Variants in FAM120C observed in about 807,000 individuals in gnomAD.
FAM120C encodes the protein family with sequence similarity 120 member C, also known as constitutive coactivator of PPAR-gamma-like protein 2.
Under a neutral mutation model 71.2 loss-of-function variants are expected in FAM120C, and 14 were observed. That is an observed-to-expected ratio of 0.20 (90% CI 0.13 to 0.31). The LOEUF (loss-of-function observed/expected upper bound fraction) is 0.31. Among genes scored for constraint, FAM120C ranks in the 10% least tolerant of loss-of-function variants. FAM120C has a pLI of 1.00. For synonymous variants in FAM120C, 354 were observed against 353.2 expected, an observed-to-expected ratio of 1.00 and a Z score of -0.03; for missense variants, 500 against 879.0, an observed-to-expected ratio of 0.57 and a Z score of 5.45.
intron 9 of FAM120C, among the ~76,000 whole-genome samples, chrX:54,117,530 A>C (rs1249989564): frequency 9.7e-6 from 1 of 103,489 alleles, no homozygotes; most frequent in Non-Finnish European, 2.0e-5. Flanking sequence ...CCCTGTTTCT[A>C]CCAAAAAAAA....
At chrX:54,077,403 G>C (rs1333575364) in intron 15 of FAM120C, among the ~76,000 whole-genome samples, 5 of 111,530 alleles carry the variant, frequency 4.5e-5, no homozygotes, top group Non-Finnish European at 3.8e-5. Context: ...GTTTAAAATG[G>C]GGAACAGGCC....
intron 1 of FAM120C, among the ~76,000 whole-genome samples, chrX:54,165,798 A>C (rs959577784): frequency 1.8e-4 from 20 of 109,314 alleles, no homozygotes; most frequent in African/African-American, 1.7e-4. Context: ...TAATAATAAA[A>C]ATAAAAAAAT....
intron 10 of FAM120C, among the ~76,000 whole-genome samples, chrX:54,096,230 G>A (rs1298385558): frequency 6.5e-5 from 7 of 108,040 alleles, no homozygotes; most frequent in Non-Finnish European, 1.3e-4. Context: ...GACCAACATG[G>A]TGAAACCCCA....
chrX:54,135,656 T>C (rs1603359617), intron 5 of FAM120C, 52 bp from the exon 6 acceptor site: 2 of 1,001,312 alleles, frequency 2.0e-6, no homozygotes, highest in African/African-American at 1.9e-5. Flanking sequence ...AATTTTACCA[T>C]GTTATATTCT....
intron 10 of FAM120C, among the ~76,000 whole-genome samples, chrX:54,100,586 A>T (rs1387722929): frequency 8.9e-6 from 1 of 111,767 alleles, no homozygotes; most frequent in African/African-American, 3.2e-5. Flanking sequence ...AGGTGGGAGG[A>T]CTGCTTGAGC....
At position 54,073,007 on chromosome X, in the gene FAM120C, G is replaced by A; in HGVS notation, c.*26C>T. The A allele has an allele frequency of 8.5e-7, 1 of 1,180,472 alleles. No individual in the cohort carries two copies. Among genetic ancestry groups the A allele is most frequent in the Non-Finnish European group, 1.1e-6 (1 of 878,478 alleles). The stretch of plus-strand genomic sequence containing the variant: ...AAAGTAAAAGTTTTTCCCTCTTCCT[G>A]GTTTGGTGAAGCCATCTTCAGCTTA... On this transcript the variant is annotated 3_prime_UTR_variant, in exon 16 of 16. Transcript: ENST00000375180.
At chrX:54,146,954 T>C (rs1290474753) in intron 4 of FAM120C, among the ~76,000 whole-genome samples, 1 of 112,150 alleles carries the variant, frequency 8.9e-6, no homozygotes, top group Non-Finnish European at 1.9e-5. Flanking sequence ...CCTCTCATAC[T>C]TTATACAGAA....
intron 10 of FAM120C, among the ~76,000 whole-genome samples, chrX:54,113,316 CGG>C (rs1252245430): frequency 1.8e-5 from 2 of 108,162 alleles, no homozygotes; most frequent in Non-Finnish European, 3.8e-5. Flanking sequence ...AAAAATTAGC[CGG>C]GCGTGGTGGC....
chrX:54,110,888 C>G (rs2066933569), intron 10 of FAM120C, among the ~76,000 whole-genome samples: 1 of 108,678 alleles, frequency 9.2e-6, no homozygotes, highest in South Asian at 4.1e-4. Context: ...GGAGAAACCC[C>G]GTCTCTACTA....
intron 10 of FAM120C, among the ~76,000 whole-genome samples, chrX:54,115,563 T>C (rs1411545052): frequency 8.9e-6 from 1 of 111,979 alleles, no homozygotes; most frequent in Non-Finnish European, 1.9e-5. Context: ...ATGCGTATTT[T>C]ACAGGATCGA....
At position 54,116,748 on chromosome X, in the gene FAM120C, T is replaced by C. The variant is rs1199613819; in HGVS notation, c.2109A>G (p.Ser703=). The C allele has an allele frequency of 3.3e-6, 4 of 1,209,512 alleles. No homozygotes were observed. The African/African-American group carries it at 7.0e-5, about 21-fold the overall frequency. The change falls in exon 10 of 16, where the codon TCA becomes TCG. Residue 703 remains serine (S), a synonymous_variant. Transcript: ENST00000375180. ...CAGACACCAGCTCAGGGGTTTGAGG[T>C]GACTTCCCTTTATAGGCAGACCACT... is the stretch of plus-strand genomic sequence containing the variant. ...LKEWSAYKGK[S]PQTPELVSAL...
At chrX:54,106,500 G>A (rs1231766722) in intron 10 of FAM120C, among the ~76,000 whole-genome samples, 1 of 111,786 alleles carries the variant, frequency 8.9e-6, no homozygotes, top group Non-Finnish European at 1.9e-5. Flanking sequence ...ACAGGCATGG[G>A]CAAGACTTCA....
Position 54,182,548 on chromosome X carries a change from G to A in FAM120C, c.651C>T (p.Ala217=). The change falls in exon 1 of 16, where the codon GCC becomes GCT. Residue 217 remains alanine, a synonymous_variant. Coordinates refer to ENST00000375180, the MANE Select transcript of FAM120C (RefSeq NM_017848.6). Reference sequence around the variant, plus strand: ...CTAGCCTCACGCAGTGGCTCAGGCAGGCCGGTGGCAGGAACCAGGCCCGCG... The same window carrying A: ...CTAGCCTCACGCAGTGGCTCAGGCAAGCCGGTGGCAGGAACCAGGCCCGCG... The part of the protein sequence containing the change: ...PPPRAWFLPP[A]CLSHCVRLAL... The A allele has an allele frequency of 4.1e-6, 5 of 1,210,939 alleles. No individual in the cohort carries two copies. The highest frequency in any genetic ancestry group is 5.6e-6 in the Non-Finnish European group (5 of 895,494).
At position 54,129,697 on chromosome X, in the gene FAM120C, A is replaced by G. The variant is rs1196646641; in HGVS notation, c.2062+2995T>C. Among the ~76,000 whole-genome samples, 560 of 111,953 alleles carry G rather than the reference A, an allele frequency of 5.0e-3. 4 individuals carry two copies. The highest frequency in any genetic ancestry group is 0.014 in the African/African-American group (437 of 30,896). Reference sequence around the variant, plus strand: ...TGGGAGGTGGAGGTTGTAGCGAGCCAAGATCACGCCACTGCACTCCAGCCT... The same window carrying G: ...TGGGAGGTGGAGGTTGTAGCGAGCCGAGATCACGCCACTGCACTCCAGCCT... On this transcript the variant is annotated intron_variant, in intron 9 of 15. Transcript: ENST00000375180.
At chrX:54,147,239 G>A (rs2088485491) in intron 4 of FAM120C, 1 of 110,794 alleles carries the variant, frequency 9.0e-6, no homozygotes, top group Non-Finnish European at 1.9e-5. Flanking sequence ...ATCGCTTGAA[G>A]CAAGGACGTG....
chrX:54,112,764 C>G (rs782372325), intron 10 of FAM120C, among the ~76,000 whole-genome samples: 1 of 108,339 alleles, frequency 9.2e-6, no homozygotes, highest in South Asian at 4.1e-4. Context: ...TGGTGTGAAC[C>G]TGGGAGGCGG....
At chrX:54,152,970 C>A (rs966034645) in intron 3 of FAM120C, among the ~76,000 whole-genome samples, 1 of 111,621 alleles carries the variant, frequency 9.0e-6, no homozygotes, top group African/African-American at 3.3e-5. Flanking sequence ...CGGAGGCTGG[C>A]GGATCACCTG....
chrX:54,125,283 T>C (rs2067020836), intron 9 of FAM120C, among the ~76,000 whole-genome samples: 1 of 110,632 alleles, frequency 9.0e-6, no homozygotes, highest in Non-Finnish European at 1.9e-5. Flanking sequence ...TTGATCTACA[T>C]GTCAATACCT....
chrX:54,095,770 C>T (rs1165120261), intron 10 of FAM120C, among the ~76,000 whole-genome samples: 1 of 110,822 alleles, frequency 9.0e-6, no homozygotes, highest in Non-Finnish European at 1.9e-5. Context: ...AATTCTCCTG[C>T]CTCAGCCTCC....
Sources: allele counts gnomAD v4.1 joint callset (sites outside exome capture counted in the v4.1 genomes callset), GRCh38; gene constraint gnomAD v4.1.1; transcripts MANE v1.5; gene names NCBI Gene and HGNC (gene_info 2026-07-23, HGNC 2026-07-21).